Variants in RNF216 observed in about 807,000 individuals in gnomAD.
RNF216 encodes E3 ubiquitin-protein ligase RNF216.
A neutral mutation model predicts 110.8 loss-of-function variants in RNF216; 72 were observed. The observed-to-expected ratio is 0.65, with a 90% CI of 0.54 to 0.79. The LOEUF (loss-of-function observed/expected upper bound fraction) is 0.79. RNF216 is among the 30% of genes least tolerant of loss of function. RNF216 has a pLI of 0.00. For synonymous variants in RNF216, 495 were observed against 407.5 expected (o/e 1.21, Z -2.59); for missense variants, 1,342 against 1,141.2 (o/e 1.18, Z -2.54).
chr7:5,628,178 C>G (rs1275993007), intron 15 of RNF216, among the ~76,000 whole-genome samples: 1 of 152,148 alleles, frequency 6.6e-6, no homozygotes, highest in African/African-American at 2.4e-5. Context: ...CCAATCCCTC[C>G]CTCTGCTCTG....
intron 9 of RNF216, among the ~76,000 whole-genome samples, chr7:5,717,512 G>A (rs1394794139): frequency 6.6e-6 from 1 of 152,186 alleles, no homozygotes; most frequent in Admixed American, 6.5e-5. Context: ...ACTTCCAAGA[G>A]TCTAGCCCAA....
At chr7:5,669,085 G>A (rs939185524) in intron 13 of RNF216, among the ~76,000 whole-genome samples, 3 of 152,148 alleles carry the variant, frequency 2.0e-5, no homozygotes, top group Admixed American at 2.0e-4. Context: ...GGCTACAGAT[G>A]GCCCCCCTTG....
At chr7:5,759,788 C>T (rs1343057420) in intron 2 of RNF216, among the ~76,000 whole-genome samples, 2 of 151,936 alleles carry the variant, frequency 1.3e-5, no homozygotes, top group Admixed American at 6.6e-5. Context: ...TGCACCACCA[C>T]GCCCAGCTAA....
chr7:5,752,867 A>T lies in RNF216; in HGVS notation c.180T>A (p.Asp60Glu), dbSNP rs755083580. 2 of 1,612,298 alleles carry T rather than the reference A, an allele frequency of 1.2e-6. No individual in the cohort carries two copies. Residue 60 changes from aspartate to glutamate, a missense_variant, in exon 3 of 17, where the codon GAT becomes GAA. Physicochemically the swap from Asp to Glu is conservative, Grantham distance 45. Coordinates refer to ENST00000389902, the MANE Select transcript of RNF216 (RefSeq NM_207111.4). Reference sequence around the variant, plus strand: ...TCACTTCTGTCAGGATGACATCATCATCCAGGTCCTCTTCTTCATGCTGCT... The same window carrying T: ...TCACTTCTGTCAGGATGACATCATCTTCCAGGTCCTCTTCTTCATGCTGCT... ...APQQHEEEDL[D>E]DDVILTETNK...
At chr7:5,703,740 G>T (rs1003907915) in intron 13 of RNF216, among the ~76,000 whole-genome samples, 1 of 152,210 alleles carries the variant, frequency 6.6e-6, no homozygotes, top group Non-Finnish European at 1.5e-5. Flanking sequence ...ATGTTCTTCA[G>T]TTACTCTGAT....
intron 13 of RNF216, among the ~76,000 whole-genome samples, chr7:5,673,251 GC>G (rs1225546772): frequency 1.3e-5 from 2 of 152,180 alleles, no homozygotes; most frequent in South Asian, 2.1e-4. Context: ...GTACAGCATG[GC>G]CTCTCCCCGC....
intron 6 of RNF216, 65 bp from the exon 7 acceptor site, chr7:5,729,661 T>C: frequency 1.5e-6 from 2 of 1,302,310 alleles, no homozygotes; most frequent in Non-Finnish European, 2.2e-6. Flanking sequence ...GGGGAAATCA[T>C]TTTAAGAATT....
rs533558237 is a variant in RNF216, at chr7:5,675,969, A to C, written c.2062-23459T>G. Among the ~76,000 whole-genome samples the C allele has an allele frequency of 2.5e-3, 381 of 151,384 alleles. 2 individuals are homozygous for C. Among genetic ancestry groups the C allele is most frequent in the Non-Finnish European group, 4.3e-3 (292 of 67,862 alleles). Reference sequence around the variant, plus strand: ...GATGATCCGCCCACCTCAGCCTTCCAAAGTGCTGGGATTACAGGCGTGAGC... The same window carrying C: ...GATGATCCGCCCACCTCAGCCTTCCCAAGTGCTGGGATTACAGGCGTGAGC... On this transcript the variant is annotated intron_variant, in intron 13 of 16. Coordinates refer to ENST00000389902, the MANE Select transcript of RNF216 (RefSeq NM_207111.4).
chr7:5,646,535 T>C (rs2128571862), intron 14 of RNF216, among the ~76,000 whole-genome samples: 1 of 151,484 alleles, frequency 6.6e-6, no homozygotes, highest in South Asian at 2.1e-4. Context: ...ATGCTAAAAA[T>C]ACAAAAAATT....
At position 5,696,575 on chromosome 7, in the gene RNF216, T is replaced by TC. The variant is rs1400945399; in HGVS notation, c.2061+15185dup. On this transcript the variant is annotated intron_variant, in intron 13 of 16. Transcript: ENST00000389902. The surrounding 1 kb of genome is among the most constrained non-coding windows in gnomAD (Gnocchi z 5.4). ...GCCTCCTAGACACGCGTGCCCAAGA[T>TC]CGTGTCCTATGGTCTCGCTTCGGCC... Among the ~76,000 whole-genome samples the TC allele has an allele frequency of 6.6e-6, 1 of 152,086 alleles. No individual in the cohort carries two copies. The highest frequency in any genetic ancestry group is 6.5e-5 in the Admixed American group (1 of 15,278).
At chr7:5,673,479 C>T (rs1156715835) in intron 13 of RNF216, among the ~76,000 whole-genome samples, 21 of 152,204 alleles carry the variant, frequency 1.4e-4, no homozygotes, top group Admixed American at 1.3e-3. Context: ...GAAGCCACTG[C>T]AGGTTCCAAC....
intron 13 of RNF216, among the ~76,000 whole-genome samples, chr7:5,678,742 C>T (rs563723867): frequency 1.3e-5 from 2 of 152,392 alleles, no homozygotes; most frequent in South Asian, 2.1e-4. Context: ...GTGAGAGCTA[C>T]AGCAGTGGGA....
chr7:5,677,521 G>A (rs918747366), intron 13 of RNF216, among the ~76,000 whole-genome samples: 1 of 152,194 alleles, frequency 6.6e-6, no homozygotes, highest in South Asian at 2.1e-4. Context: ...ATGGCTTCTG[G>A]TAAATTATAA....
chr7:5,771,584 C>G lies in RNF216; in HGVS notation c.-70+9957G>C, dbSNP rs138643936. ...GGCCAAGGCAGGCAGATCACTTGAG[C>G]TCAGGAGTCTGAGACCAGCCTGGAC... On this transcript the variant is annotated intron_variant, in intron 1 of 16. Coordinates refer to ENST00000389902, the MANE Select transcript of RNF216 (RefSeq NM_207111.4). Among the ~76,000 whole-genome samples, 4 of 152,168 alleles carry G rather than the reference C, an allele frequency of 2.6e-5. No homozygotes were observed. The East Asian group carries it at 7.7e-4, about 29-fold the overall frequency.
chr7:5,731,833 A>G (rs1794106899), intron 5 of RNF216, among the ~76,000 whole-genome samples: 1 of 145,398 alleles, frequency 6.9e-6, no homozygotes, highest in African/African-American at 2.9e-5. Context: ...GGTCTGGCAG[A>G]AAGAGGGTAG....
chr7:5,725,859 A>G (rs1793721255), intron 7 of RNF216, among the ~76,000 whole-genome samples: 1 of 148,630 alleles, frequency 6.7e-6, no homozygotes, highest in Non-Finnish European at 1.5e-5. Context: ...AAAAAAAAAA[A>G]GGAATAGGCA....
At chr7:5,661,473 T>C (rs986115263) in intron 13 of RNF216, among the ~76,000 whole-genome samples, 1 of 152,180 alleles carries the variant, frequency 6.6e-6, no homozygotes, top group Non-Finnish European at 1.5e-5. Context: ...ACAGCAACTC[T>C]ACAGGGAAGT....
rs371488828 is a variant in RNF216 at position 5,654,225 on chromosome 7, T to C, written c.2062-1715A>G. ...TTGAGAGCAAGGGAGGAAGTAAGAC[T>C]GGTGGGTGTAGAGATGAGTCGCCGT... On this transcript the variant is annotated intron_variant, in intron 13 of 16. Transcript: ENST00000389902. 5.9e-5 allele frequency among the ~76,000 whole-genome samples: 9 copies of C among 152,268 alleles called. No individual in the cohort carries two copies. In the East Asian group the frequency reaches 1.4e-3, roughly 23 times the overall value.
At chr7:5,693,025 C>T (rs895884610) in intron 13 of RNF216, among the ~76,000 whole-genome samples, 8 of 152,212 alleles carry the variant, frequency 5.3e-5, no homozygotes, top group Admixed American at 1.3e-4. Context: ...CATTGTTCTA[C>T]GTCTTGCTTT....
Sources: gnomAD v4.1 joint callset for allele counts (sites outside exome capture counted in the v4.1 genomes callset) on GRCh38, gnomAD v4.1.1 for gene constraint, Gnocchi (gnomAD v3.1) non-coding constraint, MANE v1.5 for transcripts, NCBI Gene and HGNC (gene_info 2026-07-23, HGNC 2026-07-21) for gene names.